The following SPAG16 variants were observed in gnomAD, a reference collection of about 807,000 sequenced individuals.
The protein encoded by SPAG16 is sperm-associated antigen 16 protein.
Under a neutral mutation model 80.4 loss-of-function variants are expected in SPAG16, and 86 were observed. The observed-to-expected ratio is 1.07, with a 90% CI of 0.90 to 1.28. The LOEUF is 1.28. SPAG16 is among the 50% of genes most tolerant of loss of function. The pLI is 0.00. For synonymous variants in SPAG16, 294 were observed against 265.9 expected (o/e 1.11, Z -1.03); for missense variants, 870 against 765.3 (o/e 1.14, Z -1.61).
chr2:214,091,164 C>A (rs768845738), intron 13 of SPAG16, among the ~76,000 whole-genome samples: 3 of 152,102 alleles, frequency 2.0e-5, no homozygotes, highest in Non-Finnish European at 4.4e-5. Context: ...TGTATAAATT[C>A]TTCCATTCCT....
At chr2:214,394,440 T>G (rs1701250835) in intron 15 of SPAG16, among the ~76,000 whole-genome samples, 1 of 152,072 alleles carries the variant, frequency 6.6e-6, no homozygotes, top group Non-Finnish European at 1.5e-5. Context: ...TGTAATTGAG[T>G]AAAAAAACTT....
At chr2:213,290,032 G>A (rs2062207286) in intron 1 of SPAG16, among the ~76,000 whole-genome samples, 1 of 152,202 alleles carries the variant, frequency 6.6e-6, no homozygotes, top group African/African-American at 2.4e-5. Flanking sequence ...CAACCAAAAT[G>A]TCTCACCGAG....
chr2:213,690,794 G>A (rs73086642), intron 10 of SPAG16, among the ~76,000 whole-genome samples: 3,770 of 152,112 alleles, frequency 0.025, 153 homozygotes, highest in African/African-American at 0.085. Flanking sequence ...TCAGCCTTTG[G>A]TCTGTGAGGC....
chr2:213,712,726 C>T (rs2066055680), intron 10 of SPAG16, among the ~76,000 whole-genome samples: 1 of 152,096 alleles, frequency 6.6e-6, no homozygotes, highest in Non-Finnish European at 1.5e-5. Context: ...TGAGAACTTA[C>T]TTGAGTCCTC....
chr2:213,770,447 T>C (rs2069179306), intron 10 of SPAG16, among the ~76,000 whole-genome samples: 1 of 152,144 alleles, frequency 6.6e-6, no homozygotes, highest in Non-Finnish European at 1.5e-5. Flanking sequence ...GATCAGATTA[T>C]ATATTTTTAA....
intron 15 of SPAG16, among the ~76,000 whole-genome samples, chr2:214,337,761 A>T (rs929265588): frequency 3.3e-5 from 5 of 152,186 alleles, no homozygotes; most frequent in African/African-American, 1.2e-4. Flanking sequence ...CCATAGTGGG[A>T]ATATTTATAC....
At chr2:213,641,959 T>C (rs922093175) in intron 10 of SPAG16, among the ~76,000 whole-genome samples, 2 of 152,214 alleles carry the variant, frequency 1.3e-5, no homozygotes, top group Non-Finnish European at 2.9e-5. Flanking sequence ...TCAGATGTCA[T>C]GATAAGTCAC....
At chr2:213,907,599 C>G (rs893250938) in intron 11 of SPAG16, among the ~76,000 whole-genome samples, 3 of 152,078 alleles carry the variant, frequency 2.0e-5, no homozygotes, top group Non-Finnish European at 4.4e-5. Context: ...TTTAATGCAT[C>G]ACTATTCACA....
chr2:214,403,965 G>A (rs1336248858), intron 15 of SPAG16, among the ~76,000 whole-genome samples: 1 of 152,148 alleles, frequency 6.6e-6, no homozygotes, highest in Non-Finnish European at 1.5e-5. Flanking sequence ...TTTGAACTAG[G>A]ATTTAATAGG....
chr2:214,275,647 G>A (rs993018466), intron 15 of SPAG16, among the ~76,000 whole-genome samples: 1 of 152,198 alleles, frequency 6.6e-6, no homozygotes, highest in Non-Finnish European at 1.5e-5. Flanking sequence ...ATTGCACTGT[G>A]GTCTGAGAGA....
chr2:213,381,786 T>A (rs1329731560), intron 9 of SPAG16, among the ~76,000 whole-genome samples: 1 of 152,194 alleles, frequency 6.6e-6, no homozygotes, highest in Non-Finnish European at 1.5e-5. Flanking sequence ...ATTTCCAACC[T>A]TATTCTTTTA....
At chr2:214,368,718 A>G (rs1368332364) in intron 15 of SPAG16, among the ~76,000 whole-genome samples, 2 of 152,066 alleles carry the variant, frequency 1.3e-5, no homozygotes, top group Non-Finnish European at 2.9e-5. Context: ...TTTGATTAGA[A>G]TCTAATTCAG....
Position 214,031,970 on chromosome 2 carries a change from A to T in SPAG16, c.1527+17893A>T, listed in dbSNP as rs139283458. On this transcript the variant is annotated intron_variant, in intron 13 of 15. Transcript: ENST00000331683. ...CTCCAACACTGAGAATTACAATTCA[A>T]CATGAGAACTGGGTGAGGACACAGA... is the stretch of plus-strand genomic sequence containing the variant. Among the ~76,000 whole-genome samples the T allele has an allele frequency of 2.6e-5, 4 of 152,338 alleles. No homozygotes were observed. The East Asian group carries it at 5.8e-4, about 22-fold the overall frequency.
chr2:214,127,668 G>A (rs561188317), intron 14 of SPAG16, among the ~76,000 whole-genome samples: 2 of 151,986 alleles, frequency 1.3e-5, no homozygotes, highest in South Asian at 4.1e-4. Context: ...TAGCCAGGAT[G>A]ATTCCATAGC....
intron 13 of SPAG16, among the ~76,000 whole-genome samples, chr2:214,061,164 AC>A (rs1437890935): frequency 6.6e-6 from 1 of 152,212 alleles, no homozygotes; most frequent in African/African-American, 2.4e-5. Flanking sequence ...TTAGCAGAGT[AC>A]TAATCAACAC....
At position 214,037,885 on chromosome 2, in the gene SPAG16, G is replaced by A. The variant is rs969556276; in HGVS notation, c.1527+23808G>A. On this transcript the variant is annotated intron_variant, in intron 13 of 15. Coordinates refer to ENST00000331683, the MANE Select transcript of SPAG16 (RefSeq NM_024532.5). ...GCCTGGTGTGTGTGTGTGTGTGTGTGTGTGTGTGTGTGTGTGTGTGTGTGT... is the reference window on the plus strand; with the variant it reads ...GCCTGGTGTGTGTGTGTGTGTGTGTATGTGTGTGTGTGTGTGTGTGTGTGT... Among the ~76,000 whole-genome samples the A allele has an allele frequency of 4.5e-3, 672 of 150,920 alleles. 10 individuals carry two copies. The highest frequency in any genetic ancestry group is 0.016 in the African/African-American group (644 of 41,072).
At chr2:213,298,082 C>G (rs1046350977) in intron 3 of SPAG16, among the ~76,000 whole-genome samples, 3 of 152,020 alleles carry the variant, frequency 2.0e-5, no homozygotes, top group Admixed American at 1.3e-4. Flanking sequence ...CATATTATAC[C>G]ATATCATTCT....
chr2:213,991,585 G>T (rs1275783543), intron 12 of SPAG16, among the ~76,000 whole-genome samples: 9 of 152,100 alleles, frequency 5.9e-5, no homozygotes. Flanking sequence ...CCCCGCACTT[G>T]TCCCACGCTG....
intron 9 of SPAG16, among the ~76,000 whole-genome samples, chr2:213,465,608 A>G (rs1343843953): frequency 6.6e-6 from 1 of 152,154 alleles, no homozygotes; most frequent in Admixed American, 6.5e-5. Context: ...TTGAGGAGGC[A>G]ATTGTTTGTT....
Sources: allele counts gnomAD v4.1 joint callset (sites outside exome capture counted in the v4.1 genomes callset), GRCh38; gene constraint gnomAD v4.1.1; transcripts MANE v1.5; gene names NCBI Gene and HGNC (gene_info 2026-07-23, HGNC 2026-07-21).